DOCK1: variants seen among roughly 807,000 people sequenced by gnomAD.
DOCK1 encodes dedicator of cytokinesis 1.
A neutral mutation model predicts 262.7 loss-of-function variants in DOCK1; 138 were observed. That is an observed-to-expected ratio of 0.53 (90% CI 0.46 to 0.61). DOCK1 has a LOEUF of 0.61. Ranked by LOEUF, DOCK1 falls within the 20% of genes least tolerant of loss-of-function variation. The probability of loss-of-function intolerance (pLI) is 0.00; values close to 1 mark genes in which losing one functional copy is unlikely to be tolerated. For synonymous variants in DOCK1, 866 were observed against 867.4 expected, an observed-to-expected ratio of 1.00 and a Z score of 0.03; for missense variants, 1,908 against 2,370.7, an observed-to-expected ratio of 0.80 and a Z score of 4.05.
Position 127,356,753 on chromosome 10 carries a change from A to G in DOCK1, c.3283+2026A>G, listed in dbSNP as rs58946265. On this transcript the variant is annotated intron_variant, in intron 32 of 51. Transcript: ENST00000623213. The stretch of plus-strand genomic sequence containing the variant: ...AGGTGATATGAGCTCCACCTGCCAC[A>G]GTTGGGCTCTCAGGGCAGACCCCAG... 5.1e-3 allele frequency among the ~76,000 whole-genome samples: 780 copies of G among 152,246 alleles called. 1 individual carries two copies. Among genetic ancestry groups the G allele is most frequent in the African/African-American group, 0.018 (747 of 41,546 alleles).
At chr10:127,215,751 A>G (rs2058180170) in intron 27 of DOCK1, among the ~76,000 whole-genome samples, 1 of 152,184 alleles carries the variant, frequency 6.6e-6, no homozygotes, top group Admixed American at 6.5e-5. Flanking sequence ...TCCTACCTAC[A>G]TATGGGATGA....
chr10:127,394,651 A>T (rs923854091), intron 38 of DOCK1, among the ~76,000 whole-genome samples: 3 of 152,236 alleles, frequency 2.0e-5, no homozygotes, highest in African/African-American at 7.2e-5. Flanking sequence ...TCATATGTTC[A>T]TTATGATTTG....
chr10:126,935,773 C>G lies in DOCK1; in HGVS notation c.46+30210C>G, dbSNP rs1008908222. 7.5e-4 allele frequency among the ~76,000 whole-genome samples: 114 copies of G among 152,332 alleles called. 1 individual carries two copies. In the South Asian group the frequency reaches 0.011, roughly 15 times the overall value. On this transcript the variant is annotated intron_variant, in intron 1 of 51. Transcript: ENST00000623213. The stretch of plus-strand genomic sequence containing the variant: ...AATACTGCCTTGGGATCGCCTGGTT[C>G]CTGGGCCATCTCCACCATCTAACTC...
intron 27 of DOCK1, among the ~76,000 whole-genome samples, chr10:127,205,858 G>A (rs1054835976): frequency 2.0e-5 from 3 of 152,166 alleles, no homozygotes; most frequent in African/African-American, 7.2e-5. Flanking sequence ...TTCTTGACAA[G>A]CATGAATAGT....
At chr10:127,082,974 A>T (rs1201256973) in intron 23 of DOCK1, among the ~76,000 whole-genome samples, 3 of 152,188 alleles carry the variant, frequency 2.0e-5, no homozygotes, top group Non-Finnish European at 4.4e-5. Flanking sequence ...CTTCCAGGAC[A>T]TCTGCCTGTC....
At chr10:127,350,537 C>T (rs765450479) in intron 31 of DOCK1, among the ~76,000 whole-genome samples, 1 of 152,222 alleles carries the variant, frequency 6.6e-6, no homozygotes, top group Non-Finnish European at 1.5e-5. Flanking sequence ...CCCACTGTTA[C>T]ATTTTCTCAC....
At chr10:127,312,065 A>G (rs1040130479) in intron 29 of DOCK1, among the ~76,000 whole-genome samples, 1 of 151,946 alleles carries the variant, frequency 6.6e-6, no homozygotes, top group Non-Finnish European at 1.5e-5. Context: ...GGGTTTCACC[A>G]TGTTGGCCAG....
intron 47 of DOCK1, among the ~76,000 whole-genome samples, chr10:127,427,480 A>T (rs930434931): frequency 6.6e-6 from 1 of 152,172 alleles, no homozygotes; most frequent in Non-Finnish European, 1.5e-5. Flanking sequence ...TGCTGTATAG[A>T]TACTCAGTTG....
intron 1 of DOCK1, among the ~76,000 whole-genome samples, chr10:126,960,196 A>T (rs1238392886): frequency 6.6e-6 from 1 of 151,860 alleles, no homozygotes; most frequent in African/African-American, 2.4e-5. Flanking sequence ...TAAGTGATTC[A>T]CTCAGTGAGC....
In DOCK1 at chr10:127,452,399, T is replaced by A. The variant is rs1565103418; in HGVS notation, c.*972T>A. ...TGATTTTTAAAAAACTAACTTTGTA[T>A]AACCTAATATTTGTATTCTCTCATC... On this transcript the variant is annotated 3_prime_UTR_variant, in exon 52 of 52. Transcript: ENST00000623213. 6.6e-6 allele frequency: 1 copy of A among 152,658 alleles called. No individual in the cohort carries two copies. Among genetic ancestry groups the A allele is most frequent in the African/African-American group, 2.4e-5 (1 of 41,448 alleles). The allele number at this position is 152,658 out of a possible 1,614,324, so 9.5% of individuals were successfully genotyped here.
chr10:127,341,174 T>G (rs1229276196), intron 30 of DOCK1, among the ~76,000 whole-genome samples: 1 of 152,194 alleles, frequency 6.6e-6, no homozygotes, highest in East Asian at 1.9e-4. Context: ...AACTTCACTT[T>G]TTCCCACGTC....
intron 1 of DOCK1, among the ~76,000 whole-genome samples, chr10:126,909,960 G>A (rs184248730): frequency 6.6e-6 from 1 of 152,328 alleles, no homozygotes; most frequent in African/African-American, 2.4e-5. Context: ...AGTCACATTT[G>A]CTCAGTGTGA....
In DOCK1 at chr10:126,970,794, G is replaced by A. The variant is rs1249507828; in HGVS notation, c.130+9G>A. The A allele has an allele frequency of 1.2e-6, 2 of 1,610,174 alleles. No individual in the cohort carries two copies. The highest frequency in any genetic ancestry group is 1.7e-6 in the Non-Finnish European group (2 of 1,177,490). Reference sequence around the variant, plus strand: ...CTTAGAAACATATGAAGGTGCGTATGCATCTTGGTATCTTTTCTCTTACAT... The same window carrying A: ...CTTAGAAACATATGAAGGTGCGTATACATCTTGGTATCTTTTCTCTTACAT... On this transcript the variant is annotated intron_variant, in intron 2 of 51. Transcript: ENST00000623213.
chr10:127,244,323 G>A (rs2059361762), intron 27 of DOCK1, among the ~76,000 whole-genome samples: 1 of 152,188 alleles, frequency 6.6e-6, no homozygotes, highest in East Asian at 1.9e-4. Flanking sequence ...TTCTTGTGGT[G>A]GATGTTTAGA....
At chr10:127,393,139 C>T (rs1288037928) in intron 38 of DOCK1, among the ~76,000 whole-genome samples, 2 of 152,100 alleles carry the variant, frequency 1.3e-5, no homozygotes, top group African/African-American at 4.8e-5. Context: ...TTCCTTGGTT[C>T]GATCTTACAT....
chr10:127,074,178 T>C (rs1307507779), intron 23 of DOCK1, among the ~76,000 whole-genome samples: 1 of 152,230 alleles, frequency 6.6e-6, no homozygotes, highest in Non-Finnish European at 1.5e-5. Context: ...ATAAATTACT[T>C]TTGTGTATGT....
At chr10:127,387,928 A>T (rs1387954689) in intron 38 of DOCK1, among the ~76,000 whole-genome samples, 3 of 151,518 alleles carry the variant, frequency 2.0e-5, no homozygotes, top group African/African-American at 7.3e-5. Context: ...AAAAAATCAT[A>T]TGGAGGGGCA....
intron 25 of DOCK1, among the ~76,000 whole-genome samples, chr10:127,112,412 T>TA (rs2048923895): frequency 1.3e-5 from 2 of 152,174 alleles, no homozygotes; most frequent in South Asian, 4.1e-4. Flanking sequence ...TTAGCTTAGG[T>TA]GTTTGTAATT....
At chr10:127,151,209 A>G (rs1265398013) in intron 27 of DOCK1, among the ~76,000 whole-genome samples, 1 of 152,212 alleles carries the variant, frequency 6.6e-6, no homozygotes, top group East Asian at 1.9e-4. Context: ...GAGTTTAGGA[A>G]GCAGCATTTG....
Sources: gnomAD v4.1 joint callset for allele counts (sites outside exome capture counted in the v4.1 genomes callset) on GRCh38, gnomAD v4.1.1 for gene constraint, MANE v1.5 for transcripts, NCBI Gene and HGNC (gene_info 2026-07-23, HGNC 2026-07-21) for gene names.